DMD: variants seen among roughly 807,000 people sequenced by gnomAD.
DMD encodes mutant dystrophin.
Under a neutral mutation model 330.1 loss-of-function variants are expected in DMD, and 63 were observed. That is an observed-to-expected ratio of 0.19 (90% CI 0.16 to 0.24). The LOEUF (loss-of-function observed/expected upper bound fraction) is 0.24. DMD is among the 10% of genes least tolerant of loss of function. DMD has a pLI of 1.00. For missense variants in DMD, 3,344 were observed against 2,684.1 expected, an observed-to-expected ratio of 1.25 and a Z score of -5.43; for synonymous variants, 1,223 against 959.8, an observed-to-expected ratio of 1.27 and a Z score of -5.07.
chrX:33,108,411 G>A (rs1489500532), intron 1 of DMD, among the ~76,000 whole-genome samples: 1 of 110,078 alleles, frequency 9.1e-6, no homozygotes, highest in Non-Finnish European at 1.9e-5. Flanking sequence ...GGGATTAAAG[G>A]CATGTGCCAC....
intron 4 of DMD, among the ~76,000 whole-genome samples, chrX:32,831,010 G>A (rs770641299): frequency 5.4e-5 from 6 of 110,644 alleles, no homozygotes; most frequent in Non-Finnish European, 1.1e-4. Context: ...GAACTTAAGG[G>A]GGTCCCTCTT....
At chrX:32,852,341 G>A (rs769908250) in intron 2 of DMD, among the ~76,000 whole-genome samples, 60 of 111,296 alleles carry the variant, frequency 5.4e-4, no homozygotes, top group Non-Finnish European at 9.4e-4. Context: ...GGTAGAATTC[G>A]TCACCTGCTG....
intron 1 of DMD, among the ~76,000 whole-genome samples, chrX:33,210,026 T>G (rs945165690): frequency 9.0e-6 from 1 of 110,532 alleles, no homozygotes; most frequent in African/African-American, 3.3e-5. Context: ...AACAGATATA[T>G]GCCATGCATA....
chrX:32,820,585 A>C (rs1293819812), intron 5 of DMD, among the ~76,000 whole-genome samples: 1 of 112,121 alleles, frequency 8.9e-6, no homozygotes, highest in Non-Finnish European at 1.9e-5. Flanking sequence ...AAAAATGGTA[A>C]GATCATATAA....
intron 3 of DMD, among the ~76,000 whole-genome samples, chrX:32,847,668 T>A (rs1251933710): frequency 8.9e-6 from 1 of 112,117 alleles, no homozygotes; most frequent in Admixed American, 9.4e-5. Flanking sequence ...GAATGGATTC[T>A]GTTAGTAGCA....
At chrX:32,436,708 T>C (rs1354306191) in intron 29 of DMD, among the ~76,000 whole-genome samples, 1 of 110,738 alleles carries the variant, frequency 9.0e-6, no homozygotes, top group East Asian at 2.9e-4. Flanking sequence ...TCCCAGCACT[T>C]TGGGAGGCCA....
At chrX:31,155,811 CA>C (rs1447398297) in intron 74 of DMD, among the ~76,000 whole-genome samples, 14 of 110,136 alleles carry the variant, frequency 1.3e-4, no homozygotes, top group African/African-American at 4.6e-4. Flanking sequence ...GAGACACCCC[CA>C]CCATCTTTAC....
chrX:31,239,736 A>T (rs1398472429), intron 63 of DMD, among the ~76,000 whole-genome samples: 1 of 112,190 alleles, frequency 8.9e-6, no homozygotes, highest in Non-Finnish European at 1.9e-5. Flanking sequence ...AGTGGTTTCT[A>T]GACCTTGGCA....
At chrX:31,487,417 T>C (rs1033246484) in intron 57 of DMD, among the ~76,000 whole-genome samples, 61 of 110,919 alleles carry the variant, frequency 5.5e-4, no homozygotes, top group African/African-American at 1.9e-3. Context: ...CCTGCTACCA[T>C]GCCCGGCTAA....
rs2044455737 is a variant in DMD, at chrX:31,209,703, C to CA, written c.9362-5dup. On this transcript the variant is annotated splice_region_variant and splice_polypyrimidine_tract_variant and intron_variant, in intron 64 of 78. Coordinates refer to ENST00000357033, the MANE Select transcript of DMD (RefSeq NM_004006.3). The stretch of plus-strand genomic sequence containing the variant: ...GCTGACAGGCTCAAGAGATCCACTG[C>CA]AAAAAACAAATAAAATCACAAATGA... The CA allele has an allele frequency of 5.8e-6, 7 of 1,205,190 alleles. No homozygotes were observed. The highest frequency in any genetic ancestry group is 1.8e-5 in the African/African-American group (1 of 56,985).
chrX:32,472,173 C>G lies in DMD; in HGVS notation c.2940G>C (p.Gly980=). ...TCAAATATTCACAGACCTGCAATTC[C>G]CCGAGTCTCTGCTCCATGATTTCAT... The part of the protein sequence containing the change: ...TDYEIMEQRL[G]ELQALQSSLQ... Residue 980 remains glycine, a synonymous_variant, in exon 22 of 79, where the codon GGG becomes GGC. Transcript: ENST00000357033. The G allele has an allele frequency of 8.3e-7, 1 of 1,210,964 alleles. No individual in the cohort carries two copies.
intron 2 of DMD, among the ~76,000 whole-genome samples, chrX:32,888,887 T>G (rs148921228): frequency 0.026 from 2,956 of 111,633 alleles, 108 homozygotes; most frequent in African/African-American, 0.091. Flanking sequence ...TTTGGAGTTT[T>G]CAAATTCTCA....
intron 52 of DMD, among the ~76,000 whole-genome samples, chrX:31,724,627 G>A (rs2085867452): frequency 9.0e-6 from 1 of 111,278 alleles, no homozygotes; most frequent in African/African-American, 3.3e-5. Context: ...CCTTCCCTTG[G>A]TTTAGCTAAT....
At chrX:31,335,513 C>A (rs768874544) in intron 61 of DMD, among the ~76,000 whole-genome samples, 1 of 112,178 alleles carries the variant, frequency 8.9e-6, no homozygotes, top group Admixed American at 9.4e-5. Flanking sequence ...GACCATCTTA[C>A]GTTCTAACTC....
intron 1 of DMD, among the ~76,000 whole-genome samples, chrX:33,307,494 C>T (rs770016865): frequency 9.0e-6 from 1 of 111,653 alleles, no homozygotes; most frequent in African/African-American, 3.3e-5. Context: ...GAGTTCGAGA[C>T]CATCCTGGCT....
chrX:31,222,487 A>G (rs184167701), intron 64 of DMD, among the ~76,000 whole-genome samples: 181 of 110,245 alleles, frequency 1.6e-3, no homozygotes, highest in Non-Finnish European at 2.9e-3. Flanking sequence ...CCCTCAGACA[A>G]TAGTAGAGTT....
intron 1 of DMD, among the ~76,000 whole-genome samples, chrX:33,299,698 A>C (rs781263862): frequency 8.9e-5 from 10 of 112,285 alleles, no homozygotes; most frequent in Non-Finnish European, 1.9e-4. Flanking sequence ...CCATTCTGAC[A>C]ATTGGTAGAT....
At chrX:32,449,635 C>T (rs1053990489) in intron 26 of DMD, among the ~76,000 whole-genome samples, 1 of 105,028 alleles carries the variant, frequency 9.5e-6, no homozygotes, top group Non-Finnish European at 2.0e-5. Context: ...GTTGTGTATT[C>T]TCCCTCATTG....
chrX:33,243,196 T>G (rs2052615151), intron 1 of DMD, among the ~76,000 whole-genome samples: 1 of 111,754 alleles, frequency 8.9e-6, no homozygotes, highest in Admixed American at 9.5e-5. Context: ...TCTAGAAGGG[T>G]TTTTCCAATG....
Sources: gnomAD v4.1 joint callset for allele counts (sites outside exome capture counted in the v4.1 genomes callset) on GRCh38, gnomAD v4.1.1 for gene constraint, MANE v1.5 for transcripts, NCBI Gene and HGNC (gene_info 2026-07-23, HGNC 2026-07-21) for gene names.